The following TTN variants were observed in gnomAD, a reference collection of about 807,000 sequenced individuals.
The protein encoded by TTN is connectin.
In TTN, 1,525 loss-of-function variants were observed where a neutral mutation model predicts 3,223.0. That is an observed-to-expected ratio of 0.47 (90% CI 0.45 to 0.49). The LOEUF (loss-of-function observed/expected upper bound fraction) is 0.49. Ranked by LOEUF, TTN falls within the 20% of genes least tolerant of loss-of-function variation. TTN has a pLI of 0.00. For missense variants in TTN, 40,786 were observed against 43,424.0 expected (o/e 0.94, Z 5.40); for synonymous variants, 14,094 against 15,161.0 (o/e 0.93, Z 5.17).
intron 240 of TTN, 106 bp downstream of exon 240, chr2:178,629,194 AG>A (rs2059465240): frequency 7.1e-7 from 1 of 1,402,324 alleles, no homozygotes; most frequent in South Asian, 1.6e-5. Context: ...AGAAAGGCAA[AG>A]ACAGAGGAAG....
In TTN at chr2:178,590,066, G is replaced by C. The variant is rs1009639599; in HGVS notation, c.61659C>G (p.Asn20553Lys). Residue 20553 changes from asparagine (N) to lysine (K), a missense_variant, in exon 304 of 363, where the codon AAC becomes AAG. Asn to Lys is a moderately conservative substitution (Grantham distance 94, BLOSUM62 0). Coordinates refer to ENST00000589042, the MANE Select transcript of TTN (RefSeq NM_001267550.2). ...DHGKYIISAKNSSGHAQGSAI... is the reference protein window; with the variant it reads ...DHGKYIISAKKSSGHAQGSAI... Reference sequence around the variant, plus strand: ...CTGAACCTTGGGCATGTCCACTGCTGTTCTTAGCTGAGATGATATACTTGC... The same window carrying C: ...CTGAACCTTGGGCATGTCCACTGCTCTTCTTAGCTGAGATGATATACTTGC... 4 of 1,613,190 alleles carry C rather than the reference G, an allele frequency of 2.5e-6. No homozygotes were observed. In the East Asian group the frequency reaches 6.7e-5, roughly 27 times the overall value.
chr2:178,745,740 C>T (rs2083380488), intron 47 of TTN: 1 of 1,612,646 alleles, frequency 6.2e-7, no homozygotes, highest in East Asian at 2.2e-5. Flanking sequence ...CTTCCTTGGA[C>T]TAATTTTCCA....
chr2:178,775,343 A>G lies in TTN; in HGVS notation c.6508+13T>C, dbSNP rs774935964. 3 of 1,613,690 alleles carry G rather than the reference A, an allele frequency of 1.9e-6. No individual in the cohort carries two copies. The African/African-American group carries it at 4.0e-5, about 22-fold the overall frequency. ...CAAAGACAGGTCCATCAAAGGAAAG[A>G]CATGCAAATTACCTTGGACAAGTAA... On this transcript the variant is annotated intron_variant, in intron 28 of 362. Transcript: ENST00000589042.
chr2:178,756,406 A>G lies in TTN; in HGVS notation c.11070T>C (p.Asp3690=). The G allele has an allele frequency of 6.2e-7, 1 of 1,613,822 alleles. No homozygotes were observed. The highest frequency in any genetic ancestry group is 8.5e-7 in the Non-Finnish European group (1 of 1,179,818). Residue 3690 remains aspartate (D), a synonymous_variant, in exon 46 of 363, where the codon GAT becomes GAC. Transcript: ENST00000589042. ...TTGCACCTTCGTGAGTCCAGGTTAC[A>G]TCAATGAAAGAATCATCTTTTAAAA... The part of the protein sequence containing the change: ...LCVLKDDSFI[D]VTWTHEGAKI...
chr2:178,778,272 A>C (rs1026613447), intron 24 of TTN: 5 of 384,442 alleles, frequency 1.3e-5, no homozygotes, highest in African/African-American at 1.0e-4. Context: ...GGATTTAATC[A>C]GTCACTAGAC....
chr2:178,645,827 C>T, intron 217 of TTN, 93 bp downstream of exon 217: 1 of 768,638 alleles, frequency 1.3e-6, no homozygotes, highest in Non-Finnish European at 2.0e-6. Flanking sequence ...GTACACACTT[C>T]TAAAAGTCAT....
At chr2:178,675,860 T>G in intron 148 of TTN, 61 bp downstream of exon 148, 1 of 1,557,704 alleles carries the variant, frequency 6.4e-7, no homozygotes, top group Non-Finnish European at 8.7e-7. Flanking sequence ...ACAGGACATT[T>G]TGACTTTTAT....
intron 180 of TTN, among the ~76,000 whole-genome samples, chr2:178,660,814 A>G: frequency 6.6e-6 from 1 of 150,392 alleles, no homozygotes; most frequent in South Asian, 2.1e-4. Context: ...TCTACAATGA[A>G]CTCAAACAAA....
rs1332779369 is a variant in TTN at position 178,738,373 on chromosome 2, G to A, written c.14093-13C>T. ...ATCACTGGGGCAGCTGCAAAGGGAAGTAGAGTCCATTAACATGCCTCCTTA... is the reference window on the plus strand; with the variant it reads ...ATCACTGGGGCAGCTGCAAAGGGAAATAGAGTCCATTAACATGCCTCCTTA... On this transcript the variant is annotated splice_polypyrimidine_tract_variant and intron_variant, in intron 48 of 362. Transcript: ENST00000589042. 1 of 1,603,220 alleles carries A rather than the reference G, an allele frequency of 6.2e-7. No individual in the cohort carries two copies. Among genetic ancestry groups the A allele is most frequent in the Non-Finnish European group, 8.5e-7 (1 of 1,173,442 alleles).
At chr2:178,751,423 A>C in intron 47 of TTN, 1 of 1,611,182 alleles carries the variant, frequency 6.2e-7, no homozygotes, top group Non-Finnish European at 8.5e-7. Flanking sequence ...TCATTGTCTT[A>C]AAATGTATAG....
chr2:178,748,955 A>G, intron 47 of TTN: 1 of 1,612,492 alleles, frequency 6.2e-7, no homozygotes, highest in East Asian at 2.2e-5. Context: ...AGGATTAACA[A>G]TTGATGTTCT....
At chr2:178,540,484 T>C in intron 350 of TTN, 114 bp from the exon 351 acceptor site, 1 of 940,352 alleles carries the variant, frequency 1.1e-6, no homozygotes, top group Non-Finnish European at 1.5e-6. Flanking sequence ...TTAGCCTGTT[T>C]TTTTGTCTTG....
At chr2:178,671,570 G>A (rs1471490473) in intron 155 of TTN, among the ~76,000 whole-genome samples, 1 of 151,738 alleles carries the variant, frequency 6.6e-6, no homozygotes, top group Non-Finnish European at 1.5e-5. Context: ...GTATTTCTCA[G>A]TTTGTGAACA....
chr2:178,629,471 C>T (rs765596879), intron 239 of TTN, 28 bp from the exon 240 acceptor site: 10 of 1,611,164 alleles, frequency 6.2e-6, no homozygotes, highest in Admixed American at 1.7e-5. Context: ...AACAGCTTTG[C>T]GTTACTCATT....
chr2:178,602,535 G>C lies in TTN; in HGVS notation c.54867C>G (p.Ile18289Met). 6.3e-7 allele frequency: 1 copy of C among 1,598,952 alleles called. No individual in the cohort carries two copies. The highest frequency in any genetic ancestry group is 8.5e-7 in the Non-Finnish European group (1 of 1,172,268). The change falls in exon 283 of 363, where the codon ATC becomes ATG. Residue 18289 changes from isoleucine to methionine, a missense_variant. Ile to Met is a conservative substitution (Grantham distance 10, BLOSUM62 1). Coordinates refer to ENST00000589042, the MANE Select transcript of TTN (RefSeq NM_001267550.2). ...PEVKDKTKSS[I>M]SLGWKPPAKD... Reference sequence around the variant, plus strand: ...TGGCTGGAGGTTTCCATCCTAGTGAGATGCTTGACTTCGTTTTATCTTTAA... The same window carrying C: ...TGGCTGGAGGTTTCCATCCTAGTGACATGCTTGACTTCGTTTTATCTTTAA...
intron 264 of TTN, 34 bp from the exon 265 acceptor site, chr2:178,613,106 C>A: frequency 6.2e-7 from 1 of 1,608,378 alleles, no homozygotes; most frequent in South Asian, 1.1e-5. Flanking sequence ...TTAGGTTTGT[C>A]AAAAAGGAGT....
intron 47 of TTN, among the ~76,000 whole-genome samples, chr2:178,743,966 C>T (rs955633218): frequency 6.6e-6 from 1 of 151,806 alleles, no homozygotes; most frequent in Non-Finnish European, 1.5e-5. Context: ...GCAGGGGAGG[C>T]CTGGCTGCTC....
rs1697558384 is a variant in TTN, at chr2:178,547,153, C to T, written c.94372G>A (p.Glu31458Lys). 1 of 1,613,822 alleles carries T rather than the reference C, an allele frequency of 6.2e-7. No individual in the cohort carries two copies. Among genetic ancestry groups the T allele is most frequent in the Non-Finnish European group, 8.5e-7 (1 of 1,179,770 alleles). The change falls in exon 340 of 363, where the codon GAA becomes AAA. Residue 31458 changes from glutamate to lysine, a missense_variant. Coordinates refer to ENST00000589042, the MANE Select transcript of TTN (RefSeq NM_001267550.2). ...CACTCTAAGCATGGCACTTTGTTTT[C>T]TTTCACCCAAAGAATTGTATTACGT... ...KERNTILWVK[E>K]NKVPCLECNY...
At chr2:178,663,601 T>A in intron 171 of TTN, 26 bp downstream of exon 171, 1 of 1,613,660 alleles carries the variant, frequency 6.2e-7, no homozygotes, top group Non-Finnish European at 8.5e-7. Flanking sequence ...ATACATCATC[T>A]GAAGCCTAAA....
Sources: gnomAD v4.1 joint callset for allele counts (sites outside exome capture counted in the v4.1 genomes callset) on GRCh38, gnomAD v4.1.1 for gene constraint, MANE v1.5 for transcripts, NCBI Gene and HGNC (gene_info 2026-07-23, HGNC 2026-07-21) for gene names.